ARPC5L: variants seen among roughly 807,000 people sequenced by gnomAD.
The protein encoded by ARPC5L is actin related protein 2/3 complex subunit 5 like.
Under a neutral mutation model 16.9 loss-of-function variants are expected in ARPC5L, and 4 were observed. The ratio of observed to expected loss-of-function variants is 0.24; its 90% CI spans 0.12 to 0.54. The LOEUF (loss-of-function observed/expected upper bound fraction) is 0.54, where lower values mean the gene tolerates loss of function less well. Ranked by LOEUF, ARPC5L falls within the 20% of genes least tolerant of loss-of-function variation. ARPC5L has a pLI of 0.95. For missense variants in ARPC5L, 151 were observed against 201.9 expected, an observed-to-expected ratio of 0.75 and a Z score of 1.53; for synonymous variants, 78 against 82.6, an observed-to-expected ratio of 0.94 and a Z score of 0.30.
Position 124,874,846 on chromosome 9 carries a change from T to C in ARPC5L, c.223-129T>C, listed in dbSNP as rs1020804668. On this transcript the variant is annotated intron_variant, in intron 4 of 5. Coordinates refer to ENST00000353214, the MANE Select transcript of ARPC5L (RefSeq NM_030978.3). ...CACAAAAGACGTTCTAACCCACTTA[T>C]TTTAACCATCCTGGACGAATTAGAA... 4 of 1,143,292 alleles carry C rather than the reference T, an allele frequency of 3.5e-6. No homozygotes were observed. In the African/African-American group the frequency reaches 4.7e-5, roughly 13 times the overall value. The allele number at this position is 1,143,292 out of a possible 1,614,324, so 70.8% of individuals were successfully genotyped here. A position where few individuals can be genotyped will look rare whatever the true frequency, so the allele number is the denominator to read the frequency against.
chr9:124,866,415 A>G, intron 2 of ARPC5L, among the ~76,000 whole-genome samples: 1 of 151,712 alleles, frequency 6.6e-6, no homozygotes, highest in Middle Eastern at 3.2e-3. Context: ...AAAAAAATGA[A>G]TAAAATAAAA....
chr9:124,866,666 TGAGATAGCCCCATTGCAGTCCAGCCTG>T (rs1418430956), intron 2 of ARPC5L, among the ~76,000 whole-genome samples: 46 of 152,210 alleles, frequency 3.0e-4, no homozygotes, highest in Non-Finnish European at 2.8e-4. Context: ...TGCGGTGAAC[TGAGATAGCCCCATTGCAGTCCAGCCTG>T]GGCAATAAGA....
chr9:124,863,215 C>A (rs1829228330), intron 1 of ARPC5L, among the ~76,000 whole-genome samples: 2 of 152,028 alleles, frequency 1.3e-5, no homozygotes, highest in Admixed American at 1.3e-4. Flanking sequence ...AGTGCAGTGG[C>A]GCGATCTCGG....
intron 2 of ARPC5L, among the ~76,000 whole-genome samples, chr9:124,867,875 T>C (rs2131331620): frequency 6.7e-6 from 1 of 150,302 alleles, no homozygotes; most frequent in Middle Eastern, 3.4e-3. Context: ...AATGGCGCGA[T>C]CTCAGCTCAG....
Position 124,869,262 on chromosome 9 carries a change from G to T in ARPC5L, c.-29G>T, listed in dbSNP as rs534089520. 6.7e-7 allele frequency: 1 copy of T among 1,502,612 alleles called. No homozygotes were observed. Among genetic ancestry groups the T allele is most frequent in the South Asian group, 1.3e-5 (1 of 79,526 alleles). The allele number at this position is 1,502,612 out of a possible 1,614,324, so 93.1% of individuals were successfully genotyped here. A position where few individuals can be genotyped will look rare whatever the true frequency, so the allele number is the denominator to read the frequency against. On this transcript the variant is annotated 5_prime_UTR_variant, in exon 3 of 6. Coordinates refer to ENST00000353214, the MANE Select transcript of ARPC5L (RefSeq NM_030978.3). ...GAGCCGAGGTCGGGCCGCGAGCGGA[G>T]CCGGCTGAGCGGGCGCCGAGCTCCC...
intron 3 of ARPC5L, 81 bp downstream of exon 3, chr9:124,869,520 G>A (rs887380609): frequency 7.2e-7 from 1 of 1,394,964 alleles, no homozygotes; most frequent in African/African-American, 1.5e-5. Context: ...GGCCCTTTCG[G>A]GCGGGCCTCC....
At chr9:124,873,879 C>T (rs1271642846) in intron 4 of ARPC5L, 115 bp downstream of exon 4, 11 of 1,311,032 alleles carry the variant, frequency 8.4e-6, no homozygotes, top group South Asian at 1.2e-5. Context: ...TGGCACTGGG[C>T]GGGGCTTCCA....
chr9:124,873,497 G>T, intron 3 of ARPC5L, 195 bp from the exon 4 acceptor site: 1 of 616,700 alleles, frequency 1.6e-6, no homozygotes, highest in South Asian at 1.9e-5. Flanking sequence ...AGGAGGGTTT[G>T]CATGGTTGGC....
chr9:124,871,458 A>T (rs1228262495), intron 3 of ARPC5L, among the ~76,000 whole-genome samples: 2 of 152,218 alleles, frequency 1.3e-5, no homozygotes, highest in Non-Finnish European at 2.9e-5. Context: ...GTCTGCAGAT[A>T]GAGCGGCAGC....
rs1829214089 is a variant in ARPC5L at position 124,862,322 on chromosome 9, G to T, written c.-1060G>T. ...CAATCTGGGCAACTCTGAGCTGGGC[G>T]CCAGTAGTCTGGGGGTGCTGACGGG... On this transcript the variant is annotated 5_prime_UTR_variant, in exon 1 of 6. Transcript: ENST00000353214. 5.5e-6 allele frequency: 1 copy of T among 182,058 alleles called. No individual in the cohort carries two copies. The allele number at this position is 182,058 out of a possible 1,614,324, so 11.3% of individuals were successfully genotyped here.
chr9:124,873,449 AC>A, intron 3 of ARPC5L: 1 of 564,790 alleles, frequency 1.8e-6, no homozygotes, highest in Non-Finnish European at 3.2e-6. Flanking sequence ...CCCCTCCAGG[AC>A]AGTTGCTTTG....
At chr9:124,875,511 G>C (rs191677224) in intron 5 of ARPC5L, among the ~76,000 whole-genome samples, 1 of 152,334 alleles carries the variant, frequency 6.6e-6, no homozygotes, top group East Asian at 1.9e-4. Flanking sequence ...ACTTGCAGTG[G>C]TGGAGGCAGC....
At chr9:124,862,992 C>T (rs1564309670) in intron 1 of ARPC5L, among the ~76,000 whole-genome samples, 1 of 151,798 alleles carries the variant, frequency 6.6e-6, no homozygotes, top group Non-Finnish European at 1.5e-5. Flanking sequence ...AAACTACAGG[C>T]ACAAGCCACC....
At chr9:124,867,485 G>A (rs1829287550) in intron 2 of ARPC5L, among the ~76,000 whole-genome samples, 1 of 152,014 alleles carries the variant, frequency 6.6e-6, no homozygotes, top group South Asian at 2.1e-4. Flanking sequence ...CTCAGGCACT[G>A]CATGGTTTTT....
intron 3 of ARPC5L, chr9:124,873,442 C>T (rs1211719876): frequency 3.6e-6 from 2 of 553,684 alleles, no homozygotes; most frequent in Non-Finnish European, 6.5e-6. Flanking sequence ...CAAGTTACCC[C>T]TCCAGGACAG....
At chr9:124,873,235 T>A (rs1283366831) in intron 3 of ARPC5L, 3 of 160,094 alleles carry the variant, frequency 1.9e-5, no homozygotes, top group African/African-American at 7.2e-5. Context: ...CATCTTAATT[T>A]CCTTAATAGT....
intron 4 of ARPC5L, among the ~76,000 whole-genome samples, chr9:124,874,066 C>G (rs113569978): frequency 1.8e-4 from 28 of 152,238 alleles, no homozygotes; most frequent in Non-Finnish European, 3.8e-4. Context: ...ACCTGTGGTG[C>G]TTATGCTCCC....
intron 3 of ARPC5L, 40 bp from the exon 4 acceptor site, chr9:124,873,652 T>C (rs2131338046): frequency 3.1e-6 from 5 of 1,610,224 alleles, no homozygotes; most frequent in Non-Finnish European, 4.2e-6. Flanking sequence ...ACGGCATGGA[T>C]GTGCTTGAGC....
At chr9:124,874,927 G>A in intron 4 of ARPC5L, 48 bp from the exon 5 acceptor site, 1 of 1,610,012 alleles carries the variant, frequency 6.2e-7, no homozygotes, top group South Asian at 1.1e-5. Context: ...GCATGGCATG[G>A]CGGTGCCTTC....
Sources: allele counts gnomAD v4.1 joint callset (sites outside exome capture counted in the v4.1 genomes callset), GRCh38; gene constraint gnomAD v4.1.1; transcripts MANE v1.5; gene names NCBI Gene and HGNC (gene_info 2026-07-23, HGNC 2026-07-21).